The following SNX29 variants were observed in gnomAD, a reference collection of about 807,000 sequenced individuals.
SNX29 encodes sorting nexin-29.
In SNX29, 78 loss-of-function variants were observed where a neutral mutation model predicts 102.1. The ratio of observed to expected loss-of-function variants is 0.76; its 90% CI spans 0.64 to 0.92. The LOEUF (loss-of-function observed/expected upper bound fraction) is 0.92, where lower values mean the gene tolerates loss of function less well. Among genes scored for constraint, SNX29 ranks in the 40% least tolerant of loss-of-function variants. The pLI is 0.00. For missense variants in SNX29, 1,280 were observed against 1,061.7 expected (o/e 1.21, Z -2.86); for synonymous variants, 580 against 414.5 (o/e 1.40, Z -4.85).
At chr16:12,171,915 T>A (rs1212002035) in intron 13 of SNX29, among the ~76,000 whole-genome samples, 1 of 152,200 alleles carries the variant, frequency 6.6e-6, no homozygotes, top group African/African-American at 2.4e-5. Context: ...CTGACCTCTC[T>A]GGGCCCCAGT....
intron 18 of SNX29, among the ~76,000 whole-genome samples, chr16:12,438,986 A>G (rs1597381636): frequency 6.6e-6 from 1 of 152,214 alleles, no homozygotes; most frequent in African/African-American, 2.4e-5. Context: ...AGGATTGTCC[A>G]CCTGCCATGT....
chr16:12,057,963 G>A (rs1363154985), intron 8 of SNX29, among the ~76,000 whole-genome samples: 1 of 151,590 alleles, frequency 6.6e-6, no homozygotes, highest in Non-Finnish European at 1.5e-5. Context: ...GATTATAGGT[G>A]ACCACCACCA....
At chr16:12,510,087 C>T (rs779835300) in intron 19 of SNX29, among the ~76,000 whole-genome samples, 4 of 152,354 alleles carry the variant, frequency 2.6e-5, no homozygotes, top group Admixed American at 6.5e-5. Flanking sequence ...ACTCTGCCTC[C>T]GGGACTGTTG....
intron 15 of SNX29, among the ~76,000 whole-genome samples, chr16:12,290,438 A>T (rs1371116921): frequency 1.3e-5 from 2 of 152,086 alleles, no homozygotes; most frequent in Non-Finnish European, 2.9e-5. Context: ...ACTCTTGAAG[A>T]CTGATTCAGT....
At chr16:12,151,726 T>G (rs1007705459) in intron 13 of SNX29, among the ~76,000 whole-genome samples, 1 of 152,190 alleles carries the variant, frequency 6.6e-6, no homozygotes, top group African/African-American at 2.4e-5. Context: ...ATTTGTGTTT[T>G]TTTGTTTGTT....
intron 19 of SNX29, among the ~76,000 whole-genome samples, chr16:12,501,220 A>T (rs926026066): frequency 2.6e-5 from 4 of 152,044 alleles, no homozygotes; most frequent in Admixed American, 2.6e-4. Flanking sequence ...ACATAGTGAG[A>T]CCCCATCCCT....
chr16:12,447,789 C>A (rs182499135), intron 18 of SNX29, among the ~76,000 whole-genome samples: 1 of 152,184 alleles, frequency 6.6e-6, no homozygotes, highest in Non-Finnish European at 1.5e-5. Context: ...TTCATGTGTC[C>A]CACAAAAGCG....
At chr16:12,549,172 G>C (rs140892931) in intron 20 of SNX29, among the ~76,000 whole-genome samples, 1 of 152,278 alleles carries the variant, frequency 6.6e-6, no homozygotes, top group African/African-American at 2.4e-5. Context: ...GCTGTTCATG[G>C]AGTGTCTGCA....
intron 3 of SNX29, among the ~76,000 whole-genome samples, chr16:12,008,048 G>C (rs1176414286): frequency 6.6e-6 from 1 of 151,950 alleles, no homozygotes; most frequent in Admixed American, 6.6e-5. Flanking sequence ...GGTTCACGCT[G>C]TTCTCCTGCC....
chr16:12,486,122 T>G (rs1054835987), intron 19 of SNX29, among the ~76,000 whole-genome samples: 1 of 152,246 alleles, frequency 6.6e-6, no homozygotes, highest in African/African-American at 2.4e-5. Context: ...CTTTTCCAGC[T>G]TAGAGGCTGC....
intron 14 of SNX29, among the ~76,000 whole-genome samples, chr16:12,250,848 C>G (rs2968355): frequency 1 from 151,991 of 152,326 alleles, 75,828 homozygotes; most frequent in Middle Eastern, 1. Context: ...CTGGTGGCTT[C>G]GTCTCTTCCC....
At chr16:12,390,194 A>G (rs2083479247) in intron 16 of SNX29, among the ~76,000 whole-genome samples, 2 of 148,026 alleles carry the variant, frequency 1.4e-5, no homozygotes, top group African/African-American at 2.6e-5. Context: ...GTATATGTAT[A>G]TGTGTGCACG....
intron 14 of SNX29, among the ~76,000 whole-genome samples, chr16:12,245,844 C>T (rs912748804): frequency 6.6e-6 from 1 of 152,092 alleles, no homozygotes; most frequent in South Asian, 2.1e-4. Context: ...GTTTCTGCTG[C>T]AGGAACTGGG....
At chr16:12,181,221 A>T (rs2141834662) in intron 13 of SNX29, among the ~76,000 whole-genome samples, 1 of 152,186 alleles carries the variant, frequency 6.6e-6, no homozygotes, top group East Asian at 1.9e-4. Context: ...TAGAAAGTTT[A>T]TTTTGCTAAG....
chr16:12,049,369 A>G (rs547403032), intron 7 of SNX29, among the ~76,000 whole-genome samples: 95 of 148,772 alleles, frequency 6.4e-4, no homozygotes, highest in African/African-American at 2.3e-3. Context: ...GTCTCACTCT[A>G]TTGCCCGGGT....
At chr16:12,380,810 A>G (rs1224170953) in intron 16 of SNX29, among the ~76,000 whole-genome samples, 3 of 86,530 alleles carry the variant, frequency 3.5e-5, no homozygotes, top group African/African-American at 1.3e-4. Context: ...CCATCCATCC[A>G]TCCACCCGCC....
rs536084383 is a variant in SNX29 at position 12,543,135 on chromosome 16, G to C, written c.2318+18294G>C. Among the ~76,000 whole-genome samples, 20 of 152,324 alleles carry C rather than the reference G, an allele frequency of 1.3e-4. No homozygotes were observed. The South Asian group carries it at 3.7e-3, about 28-fold the overall frequency. On this transcript the variant is annotated intron_variant, in intron 20 of 20. Transcript: ENST00000566228. ...AGCTGCGTATCTTATAGATGGTTTAGATCCAGGCCCTGAAGCATAAGTGTT... is the reference window on the plus strand; with the variant it reads ...AGCTGCGTATCTTATAGATGGTTTACATCCAGGCCCTGAAGCATAAGTGTT...
intron 1 of SNX29, among the ~76,000 whole-genome samples, chr16:11,989,494 G>A (rs1332629972): frequency 2.0e-5 from 3 of 152,124 alleles, no homozygotes; most frequent in Non-Finnish European, 2.9e-5. Flanking sequence ...GGGGGAGAAC[G>A]ATTGTCCATT....
chr16:12,543,597 C>A (rs574348125), intron 20 of SNX29, among the ~76,000 whole-genome samples: 1 of 152,140 alleles, frequency 6.6e-6, no homozygotes, highest in East Asian at 1.9e-4. Flanking sequence ...CCAGTTCATC[C>A]TCCCCGATGG....
Sources: gnomAD v4.1 joint callset for allele counts (sites outside exome capture counted in the v4.1 genomes callset) on GRCh38, gnomAD v4.1.1 for gene constraint, MANE v1.5 for transcripts, NCBI Gene and HGNC (gene_info 2026-07-23, HGNC 2026-07-21) for gene names.